The following COL9A1 variants were observed in gnomAD, a reference collection of about 807,000 sequenced individuals.
COL9A1 encodes collagen alpha-1(IX) chain.
COL9A1 carries 104 observed loss-of-function variants against 142.6 expected under a neutral mutation model. That is an observed-to-expected ratio of 0.73 (90% CI 0.62 to 0.86). The LOEUF (loss-of-function observed/expected upper bound fraction) is 0.86. Among genes scored for constraint, COL9A1 ranks in the 40% least tolerant of loss-of-function variants. The pLI, the probability that COL9A1 is intolerant of heterozygous loss-of-function variation, is 0.00. For synonymous variants in COL9A1, 466 were observed against 396.0 expected (o/e 1.18, Z -2.10); for missense variants, 1,210 against 1,176.6 (o/e 1.03, Z -0.42).
chr6:70,287,635 TC>T (rs1554246977), intron 5 of COL9A1, among the ~76,000 whole-genome samples: 1 of 112,148 alleles, frequency 8.9e-6, no homozygotes, highest in East Asian at 6.5e-4. Flanking sequence ...CCAATTCTTC[TC>T]CTCATTTTCT....
intron 7 of COL9A1, 148 bp downstream of exon 7, chr6:70,282,750 T>A: frequency 5.7e-6 from 7 of 1,219,286 alleles, no homozygotes; most frequent in Non-Finnish European, 8.2e-6. Context: ...TCGATAGGAC[T>A]CGCGGCAGGT....
chr6:70,277,343 C>CA (rs200889718), intron 10 of COL9A1, among the ~76,000 whole-genome samples: 7,183 of 136,030 alleles, frequency 0.053, 245 homozygotes, highest in Non-Finnish European at 0.077. Flanking sequence ...GTCCATAAGC[C>CA]AAAAAAAAAA....
intron 13 of COL9A1, 123 bp from the exon 14 acceptor site, chr6:70,271,831 C>CAAACTTTAATTT: frequency 1.9e-6 from 2 of 1,065,600 alleles, no homozygotes. Flanking sequence ...TCCAATGACA[C>CAAACTTTAATTT]AATAACTCAT....
At chr6:70,271,968 C>T in intron 13 of COL9A1, 97 bp downstream of exon 13, 2 of 1,263,434 alleles carry the variant, frequency 1.6e-6, no homozygotes, top group Non-Finnish European at 2.3e-6. Flanking sequence ...ACTGTAAACA[C>T]CACTGAGTAG....
chr6:70,231,534 AT>A (rs34410659), intron 36 of COL9A1, among the ~76,000 whole-genome samples: 1 of 152,014 alleles, frequency 6.6e-6, no homozygotes, highest in East Asian at 1.9e-4. Context: ...GTTAGACCCC[AT>A]TTTTTTAACA....
At chr6:70,263,118 A>G (rs1429710253) in intron 19 of COL9A1, 126 bp downstream of exon 19, 8 of 702,434 alleles carry the variant, frequency 1.1e-5, no homozygotes, top group Non-Finnish European at 1.9e-5. Context: ...GGCGTGGTGG[A>G]AAATAGAGGA....
At chr6:70,286,387 AC>A (rs1773451549) in intron 5 of COL9A1, among the ~76,000 whole-genome samples, 1 of 152,240 alleles carries the variant, frequency 6.6e-6, no homozygotes, top group Admixed American at 6.5e-5. Context: ...TAAGAACTAA[AC>A]AAAAACTAAC....
intron 6 of COL9A1, 50 bp from the exon 7 acceptor site, chr6:70,282,968 G>T: frequency 1.2e-6 from 2 of 1,614,140 alleles, no homozygotes; most frequent in Non-Finnish European, 1.7e-6. Context: ...CCTCAAACTC[G>T]ATCGCAACTT....
At chr6:70,294,111 A>G in intron 5 of COL9A1, 56 bp downstream of exon 5, 1 of 1,605,280 alleles carries the variant, frequency 6.2e-7, no homozygotes, top group Non-Finnish European at 8.5e-7. Context: ...TGAGATGTTC[A>G]TTTTTACCAA....
At position 70,269,658 on chromosome 6, in the gene COL9A1, A is replaced by T; in HGVS notation, c.1205T>A (p.Ile402Asn). The T allele has an allele frequency of 6.3e-7, 1 of 1,590,092 alleles. No individual in the cohort carries two copies. The highest frequency in any genetic ancestry group is 1.1e-5 in the South Asian group (1 of 90,608). The change falls in exon 16 of 38, where the codon ATT (isoleucine) becomes AAT (asparagine). Residue 402 changes from isoleucine (I) to asparagine (N), a missense_variant. Ile to Asn is a moderately radical substitution (Grantham distance 149, BLOSUM62 -3). Coordinates refer to ENST00000357250, the MANE Select transcript of COL9A1 (RefSeq NM_001851.6). ...PPGPPGPRGT[I>N]GFHDGDPLCP... ...CAATGGATCTCCATCATGAAAGCCA[A>T]TTGTTCCCTAAAGTAAACAAAATAT...
Position 70,294,498 on chromosome 6 carries a change from C to T in COL9A1, c.365G>A (p.Ser122Asn), listed in dbSNP as rs1251083935. 8.7e-6 allele frequency: 14 copies of T among 1,614,082 alleles called. No homozygotes were observed. The highest frequency in any genetic ancestry group is 2.2e-5 in the East Asian group (1 of 44,882). ...AATGTTCCAGTTCTTTTTGAGAGTGCTTCCAGTCATTCGAAACGTCGTCAA... is the reference window on the plus strand; with the variant it reads ...AATGTTCCAGTTCTTTTTGAGAGTGTTTCCAGTCATTCGAAACGTCGTCAA... ...SFLTTFRMTGSTLKKNWNIWQ... is the reference protein window; with the variant it reads ...SFLTTFRMTGNTLKKNWNIWQ... Residue 122 changes from serine (S) to asparagine (N), a missense_variant, in exon 5 of 38, where the codon AGC becomes AAC. Transcript: ENST00000357250.
intron 37 of COL9A1, among the ~76,000 whole-genome samples, chr6:70,220,624 G>T (rs561641003): frequency 4.8e-4 from 73 of 152,234 alleles, no homozygotes; most frequent in African/African-American, 1.7e-3. Context: ...CTGACCCAGG[G>T]CCTTTGCTCT....
intron 37 of COL9A1, among the ~76,000 whole-genome samples, chr6:70,217,755 A>G (rs1768617595): frequency 6.6e-6 from 1 of 152,234 alleles, no homozygotes; most frequent in Admixed American, 6.5e-5. Flanking sequence ...ATAGCTTTAC[A>G]TTCTAGCCCT....
chr6:70,302,750 C>T (rs530315745), intron 1 of COL9A1, among the ~76,000 whole-genome samples, 161 bp downstream of exon 1: 1 of 151,944 alleles, frequency 6.6e-6, no homozygotes, highest in South Asian at 2.1e-4. Context: ...CGGTTTCTCA[C>T]GCTTGCCCTC....
At chr6:70,223,667 C>A (rs571820513) in intron 37 of COL9A1, among the ~76,000 whole-genome samples, 1 of 152,270 alleles carries the variant, frequency 6.6e-6, no homozygotes, top group Non-Finnish European at 1.5e-5. Flanking sequence ...GCGCACTACA[C>A]GAGGACACCG....
At chr6:70,239,164 A>C (rs759861233) in intron 33 of COL9A1, 90 bp downstream of exon 33, 3 of 908,330 alleles carry the variant, frequency 3.3e-6, no homozygotes, top group Non-Finnish European at 5.3e-6. Context: ...TGAATGTTAC[A>C]TAATGATTTC....
At position 70,241,911 on chromosome 6, in the gene COL9A1, G is replaced by A. The variant is rs982529815; in HGVS notation, c.1998+53C>T. The A allele has an allele frequency of 8.9e-6, 13 of 1,463,220 alleles. No individual in the cohort carries two copies. The Admixed American group carries it at 1.7e-4, about 20-fold the overall frequency. 90.6% of individuals were successfully genotyped at this position (1,463,220 alleles called of 1,614,324 possible). On this transcript the variant is annotated intron_variant, in intron 30 of 37. Coordinates refer to ENST00000357250, the MANE Select transcript of COL9A1 (RefSeq NM_001851.6). ...AAAAGCAAGCTTTGTTTCTCAACAT[G>A]GTAGAAATCACCCTTCCAAATAAAG... is the stretch of plus-strand genomic sequence containing the variant.
rs1365733451 is a variant in COL9A1, at chr6:70,270,310, T to A, written c.1197+4A>T. 1.2e-6 allele frequency: 2 copies of A among 1,613,528 alleles called. No homozygotes were observed. Among genetic ancestry groups the A allele is most frequent in the African/African-American group, 2.7e-5 (2 of 74,920 alleles). ...AACAGAAATTCAAGCTGCAAATAAC[T>A]TACTCTGGGTCCTGGGGGGCCAGGG... is the stretch of plus-strand genomic sequence containing the variant. On this transcript the variant is annotated splice_donor_region_variant and intron_variant, in intron 15 of 37. Transcript: ENST00000357250.
At chr6:70,225,803 C>T in intron 37 of COL9A1, 129 bp downstream of exon 37, 1 of 756,508 alleles carries the variant, frequency 1.3e-6, no homozygotes, top group South Asian at 1.5e-5. Context: ...AAAATCTATG[C>T]TAGCCATTCT....
Sources: allele counts gnomAD v4.1 joint callset (sites outside exome capture counted in the v4.1 genomes callset), GRCh38; gene constraint gnomAD v4.1.1; transcripts MANE v1.5; gene names NCBI Gene and HGNC (gene_info 2026-07-23, HGNC 2026-07-21).